The following MPV17L variants were observed in gnomAD, a reference collection of about 807,000 sequenced individuals.
MPV17L encodes mpv17-like protein.
A neutral mutation model predicts 25.8 loss-of-function variants in MPV17L; 24 were observed. That is an observed-to-expected ratio of 0.93 (90% CI 0.67 to 1.31). The LOEUF (loss-of-function observed/expected upper bound fraction) is 1.31, where lower values mean the gene tolerates loss of function less well. Ranked by LOEUF, MPV17L falls within the 50% of genes most tolerant of loss-of-function variation. The pLI is 0.00. For synonymous variants in MPV17L, 102 were observed against 115.3 expected (o/e 0.88, Z 0.74); for missense variants, 250 against 265.6 (o/e 0.94, Z 0.41).
chr16:15,405,358 G>A (rs2050671222), intron 2 of MPV17L, among the ~76,000 whole-genome samples: 1 of 149,912 alleles, frequency 6.7e-6, no homozygotes, highest in African/African-American at 2.5e-5. Flanking sequence ...GCATAGTGAG[G>A]CCTCGTCTGT....
At position 15,411,297 on chromosome 16, in the gene MPV17L, T is replaced by C. The variant is rs1226197125; in HGVS notation, c.*3185T>C. The C allele has an allele frequency of 6.6e-6, 1 of 152,240 alleles. No homozygotes were observed. The highest frequency in any genetic ancestry group is 2.4e-5 in the African/African-American group (1 of 41,474). 9.4% of individuals were successfully genotyped at this position (152,240 alleles called of 1,614,324 possible). ...ATAAGTACTACCTGGTGCAAAACTT[T>C]ACAGAAGCTGTGGTATCACTTTTAT... On this transcript the variant is annotated 3_prime_UTR_variant, in exon 4 of 4. Coordinates refer to ENST00000396385, the MANE Select transcript of MPV17L (RefSeq NM_001128423.2).
At position 15,410,130 on chromosome 16, in the gene MPV17L, C is replaced by T. The variant is rs1039883102; in HGVS notation, c.*2018C>T. On this transcript the variant is annotated 3_prime_UTR_variant, in exon 4 of 4. Coordinates refer to ENST00000396385, the MANE Select transcript of MPV17L (RefSeq NM_001128423.2). ...TTCTACACTTTATTAACTTCTACAC[C>T]AGCAGATTTAAAAATTATGTAACTA... The T allele has an allele frequency of 7.9e-5, 12 of 152,100 alleles. No homozygotes were observed. The highest frequency in any genetic ancestry group is 7.9e-4 in the Admixed American group (12 of 15,262). 9.4% of individuals were successfully genotyped at this position (152,100 alleles called of 1,614,324 possible). A position where few individuals can be genotyped will look rare whatever the true frequency, so the allele number is the denominator to read the frequency against.
chr16:15,400,346 CT>C (rs908354383), intron 1 of MPV17L, among the ~76,000 whole-genome samples: 3,085 of 125,056 alleles, frequency 0.025, 28 homozygotes, highest in East Asian at 0.053. Flanking sequence ...ATTATGTTTT[CT>C]TTTTTTTTTT....
chr16:15,398,439 C>T (rs2050605797), intron 1 of MPV17L, among the ~76,000 whole-genome samples: 1 of 152,058 alleles, frequency 6.6e-6, no homozygotes, highest in African/African-American at 2.4e-5. Context: ...ACTTGATGCT[C>T]TCATGGTGGG....
chr16:15,402,551 A>G (rs913101988), intron 2 of MPV17L, among the ~76,000 whole-genome samples: 1 of 76,312 alleles, frequency 1.3e-5, no homozygotes, highest in African/African-American at 3.8e-5. Context: ...CTCTATACTC[A>G]GGAACAGTAA....
chr16:15,406,229 T>G (rs963407792), intron 2 of MPV17L, among the ~76,000 whole-genome samples: 9 of 151,842 alleles, frequency 5.9e-5, no homozygotes, highest in African/African-American at 2.2e-4. Flanking sequence ...CGTATATATG[T>G]GTATATATAC....
intron 2 of MPV17L, among the ~76,000 whole-genome samples, chr16:15,401,086 A>ATATATATAT (rs1491107374): frequency 8.6e-4 from 17 of 19,862 alleles, no homozygotes; most frequent in South Asian, 2.9e-3. Flanking sequence ...ATATATATAT[A>ATATATATAT]TTTTTTTTTT....
At chr16:15,400,451 A>G (rs190442363) in intron 1 of MPV17L, among the ~76,000 whole-genome samples, 11 of 151,598 alleles carry the variant, frequency 7.3e-5, no homozygotes, top group African/African-American at 2.7e-4. Context: ...CCCAGGCTCA[A>G]GCGATCCTCC....
At chr16:15,400,735 T>TAA (rs2050626460) in intron 1 of MPV17L, 52 bp from the exon 2 acceptor site, 1 of 1,292,002 alleles carries the variant, frequency 7.7e-7, no homozygotes, top group South Asian at 1.6e-5. Flanking sequence ...CATGAACTGT[T>TAA]ATACGGTACT....
Position 15,396,185 on chromosome 16 carries a change from C to A in MPV17L, c.288C>A (p.Ile96=), listed in dbSNP as rs1268124726. 1.3e-6 allele frequency: 2 copies of A among 1,550,050 alleles called. No individual in the cohort carries two copies. Among genetic ancestry groups the A allele is most frequent in the Non-Finnish European group, 1.7e-6 (2 of 1,147,562 alleles). The change falls in exon 1 of 4, where the codon ATC becomes ATA. Residue 96 remains isoleucine, a synonymous_variant. Coordinates refer to ENST00000396385, the MANE Select transcript of MPV17L (RefSeq NM_001128423.2). ...GCGACCAGGTGGTCGGTGCGCCCAT[C>A]GCGGTCTCGGCCTTCTATGTCGGTG... ...LLCDQVVGAP[I]AVSAFYVGMS...
Position 15,395,967 on chromosome 16 carries a change from T to C in MPV17L, c.70T>C (p.Tyr24His). 1.3e-6 allele frequency: 2 copies of C among 1,512,640 alleles called. No individual in the cohort carries two copies. The highest frequency in any genetic ancestry group is 1.2e-5 in the South Asian group (1 of 80,652). 93.7% of individuals were successfully genotyped at this position (1,512,640 alleles called of 1,614,324 possible). The stretch of plus-strand genomic sequence containing the variant: ...CCCGTGGCCCACCAACGTGCTGCTT[T>C]ACGGCTCGCTCGTCTCGGCCGGGGA... The part of the protein sequence containing the change: ...RHPWPTNVLL[Y>H]GSLVSAGDAL... Residue 24 changes from tyrosine (Y) to histidine (H), a missense_variant, in exon 1 of 4, where the codon TAC becomes CAC. Transcript: ENST00000396385.
Position 15,413,009 on chromosome 16 carries a change from G to A in MPV17L, c.*4897G>A, listed in dbSNP as rs562742613. The A allele has an allele frequency of 6.6e-6, 1 of 152,208 alleles. No homozygotes were observed. The highest frequency in any genetic ancestry group is 2.4e-5 in the African/African-American group (1 of 41,530). The allele number at this position is 152,208 out of a possible 1,614,324, so 9.4% of individuals were successfully genotyped here. On this transcript the variant is annotated 3_prime_UTR_variant, in exon 4 of 4. Coordinates refer to ENST00000396385, the MANE Select transcript of MPV17L (RefSeq NM_001128423.2). ...TGAAAAGATAGTTTTTGTTACATGG[G>A]AAATTTACTTTTAGTACAGTAAAAT...
chr16:15,403,078 A>T (rs76812518), intron 2 of MPV17L, among the ~76,000 whole-genome samples: 8 of 145,212 alleles, frequency 5.5e-5, no homozygotes, highest in Admixed American at 6.9e-5. Flanking sequence ...TTTTTTTTTT[A>T]AAGAGCAAGG....
chr16:15,403,967 C>A (rs147664382), intron 2 of MPV17L, among the ~76,000 whole-genome samples: 231 of 151,598 alleles, frequency 1.5e-3, no homozygotes, highest in African/African-American at 5.4e-3. Flanking sequence ...AGGGATCGAG[C>A]CCATCCTCGC....
chr16:15,404,112 A>AAAAAT (rs766600885), intron 2 of MPV17L, among the ~76,000 whole-genome samples: 1 of 152,184 alleles, frequency 6.6e-6, no homozygotes, highest in Non-Finnish European at 1.5e-5. Context: ...CTCAAAATAA[A>AAAAAT]AAAATAAAAT....
At chr16:15,396,303 A>T in intron 1 of MPV17L, 96 bp downstream of exon 1, 1 of 1,449,556 alleles carries the variant, frequency 6.9e-7, no homozygotes, top group Admixed American at 2.2e-5. Flanking sequence ...AGGGCGCTGC[A>T]GGAGCCTGGG....
intron 2 of MPV17L, among the ~76,000 whole-genome samples, chr16:15,403,654 AGAGT>A (rs765352439): frequency 1.3e-5 from 2 of 150,026 alleles, no homozygotes; most frequent in South Asian, 4.3e-4. Context: ...CCTGAGTGAC[AGAGT>A]GAGACCATGG....
chr16:15,407,960 C>A lies in MPV17L; in HGVS notation c.439C>A (p.Gln147Lys), dbSNP rs2050697116. 1 of 1,614,008 alleles carries A rather than the reference C, an allele frequency of 6.2e-7. No homozygotes were observed. Among genetic ancestry groups the A allele is most frequent in the East Asian group, 2.2e-5 (1 of 44,882 alleles). Residue 147 changes from glutamine (Q) to lysine (K), a missense_variant, in exon 4 of 4, where the codon CAA (glutamine) becomes AAA (lysine). Gln to Lys is a moderately conservative substitution (Grantham distance 53). Transcript: ENST00000396385. ...GACCAACTTCAGCCTTGTTCCTGTT[C>A]AATGGAGAACAGCTTACGCTGGAGT... ...QLTNFSLVPVQWRTAYAGVCG... is the reference protein window; with the variant it reads ...QLTNFSLVPVKWRTAYAGVCG...
rs371983552 is a variant in MPV17L, at chr16:15,407,454, T to G, written c.382-370T>G. 1.2e-4 allele frequency among the ~76,000 whole-genome samples: 18 copies of G among 152,114 alleles called. 1 individual carries two copies. Among genetic ancestry groups the G allele is most frequent in the Admixed American group, 7.2e-4 (11 of 15,234 alleles). ...GCAATTGTTTTGTGTGGTTAAAAGG[T>G]ATTCTAGGTCAGGTATAGTGGCTCA... On this transcript the variant is annotated intron_variant, in intron 2 of 3. Coordinates refer to ENST00000396385, the MANE Select transcript of MPV17L (RefSeq NM_001128423.2).
Sources: gnomAD v4.1 joint callset for allele counts (sites outside exome capture counted in the v4.1 genomes callset) on GRCh38, gnomAD v4.1.1 for gene constraint, MANE v1.5 for transcripts, NCBI Gene and HGNC (gene_info 2026-07-23, HGNC 2026-07-21) for gene names.